GRIK3: variants seen among roughly 807,000 people sequenced by gnomAD.
GRIK3 encodes glutamate ionotropic receptor kainate type subunit 3, also known as glutamate receptor ionotropic, kainate 3.
In GRIK3, 29 loss-of-function variants were observed where a neutral mutation model predicts 102.5. The ratio of observed to expected loss-of-function variants is 0.28; its 90% confidence interval spans 0.21 to 0.39. The LOEUF (loss-of-function observed/expected upper bound fraction) is 0.39. GRIK3 is among the 10% of genes least tolerant of loss of function. The probability of loss-of-function intolerance (pLI) is 1.00; values close to 1 mark genes in which losing one functional copy is unlikely to be tolerated. For missense variants in GRIK3, 908 were observed against 1,252.4 expected (o/e 0.73, Z 4.15); for synonymous variants, 511 against 504.9 (o/e 1.01, Z -0.16).
intron 13 of GRIK3, among the ~76,000 whole-genome samples, chr1:36,814,509 A>ACCC (rs376040990): frequency 1.4e-4 from 12 of 84,160 alleles, no homozygotes; most frequent in African/African-American, 4.9e-4. Flanking sequence ...ACATACATAG[A>ACCC]CCCCCCCCCC....
chr1:36,862,120 C>T (rs989040832), intron 5 of GRIK3, among the ~76,000 whole-genome samples: 5 of 152,140 alleles, frequency 3.3e-5, no homozygotes, highest in African/African-American at 9.7e-5. Context: ...TGAATTTGTA[C>T]CCAGGTCTAT....
chr1:37,031,795 G>A lies in GRIK3; in HGVS notation c.115+2199C>T, dbSNP rs138601328. On this transcript the variant is annotated intron_variant, in intron 1 of 15. Transcript: ENST00000373091. ...GCATGAGATTCTCTCTCTCTCGCTC[G>A]CTCGCTCTTTCTGTCCATGTCCACT... Among the ~76,000 whole-genome samples the A allele has an allele frequency of 3.7e-3, 560 of 152,330 alleles. 1 individual carries two copies. Among genetic ancestry groups the A allele is most frequent in the African/African-American group, 0.012 (491 of 41,574 alleles).
intron 1 of GRIK3, among the ~76,000 whole-genome samples, chr1:36,930,675 G>A (rs546524766): frequency 3.3e-5 from 5 of 152,350 alleles, no homozygotes; most frequent in African/African-American, 1.2e-4. Context: ...GCCAAGGTAG[G>A]TGGACACCAG....
intron 1 of GRIK3, among the ~76,000 whole-genome samples, chr1:37,030,713 C>T (rs955575843): frequency 1.3e-5 from 2 of 152,046 alleles, no homozygotes; most frequent in Non-Finnish European, 2.9e-5. Context: ...TTTTCAAATT[C>T]CAGGCTGGCC....
intron 2 of GRIK3, among the ~76,000 whole-genome samples, chr1:36,888,573 G>C (rs1388495527): frequency 6.6e-6 from 1 of 152,100 alleles, no homozygotes; most frequent in Non-Finnish European, 1.5e-5. Context: ...TATGGCACCT[G>C]TTGCTTCATC....
chr1:36,928,840 T>C (rs1308728033), intron 1 of GRIK3, among the ~76,000 whole-genome samples: 1 of 152,186 alleles, frequency 6.6e-6, no homozygotes, highest in Non-Finnish European at 1.5e-5. Context: ...GATCAGGATG[T>C]TCTCAAGGAA....
intron 11 of GRIK3, among the ~76,000 whole-genome samples, chr1:36,822,963 G>C (rs12132499): frequency 0.054 from 8,183 of 152,194 alleles, 323 homozygotes; most frequent in South Asian, 0.091. Context: ...GGCCAAACAG[G>C]TCAGGCCAGG....
chr1:36,868,081 G>A (rs754493501), intron 5 of GRIK3, among the ~76,000 whole-genome samples: 2 of 152,124 alleles, frequency 1.3e-5, no homozygotes, highest in African/African-American at 4.8e-5. Context: ...TAGTGTCCCC[G>A]GGTCCAGGAG....
intron 1 of GRIK3, among the ~76,000 whole-genome samples, chr1:36,915,796 G>A (rs906092588): frequency 6.6e-6 from 1 of 152,176 alleles, no homozygotes; most frequent in Non-Finnish European, 1.5e-5. Flanking sequence ...GGAACTGTAA[G>A]TGCATTAAAC....
In GRIK3 at chr1:37,001,982, G is replaced by T. The variant is rs546720460; in HGVS notation, c.115+32012C>A. Among the ~76,000 whole-genome samples, 51 of 152,278 alleles carry T rather than the reference G, an allele frequency of 3.3e-4. 1 individual carries two copies. The South Asian group carries it at 0.01, about 30-fold the overall frequency. ...GATACACTAAGTCCATCTGTCATTG[G>T]ATGAGGCACCAACTCTGCCCCTTCC... On this transcript the variant is annotated intron_variant, in intron 1 of 15. Transcript: ENST00000373091.
chr1:36,916,043 C>T (rs1570797261), intron 1 of GRIK3, among the ~76,000 whole-genome samples: 1 of 152,082 alleles, frequency 6.6e-6, no homozygotes, highest in African/African-American at 2.4e-5. Context: ...TGGCTTCAAC[C>T]AAAATGCTGA....
At chr1:36,916,552 C>T (rs889245698) in intron 1 of GRIK3, among the ~76,000 whole-genome samples, 8 of 152,144 alleles carry the variant, frequency 5.3e-5, no homozygotes, top group African/African-American at 1.9e-4. Flanking sequence ...CTCAGGGTTC[C>T]AGTGCTGCAT....
intron 1 of GRIK3, among the ~76,000 whole-genome samples, chr1:36,975,315 G>A (rs1395161078): frequency 1.1e-5 from 1 of 90,088 alleles, no homozygotes; most frequent in Non-Finnish European, 2.2e-5. Context: ...TTTTGAGAGG[G>A]AGTCTTGCTC....
intron 5 of GRIK3, among the ~76,000 whole-genome samples, chr1:36,868,789 A>G (rs2124250118): frequency 6.6e-6 from 1 of 152,338 alleles, no homozygotes; most frequent in Non-Finnish European, 1.5e-5. Context: ...TAGTTCAAGT[A>G]TCTGGTTTTC....
rs77835993 is a variant in GRIK3, at chr1:36,995,568, C to G, written c.115+38426G>C. 9.7e-3 allele frequency among the ~76,000 whole-genome samples: 1,477 copies of G among 152,296 alleles called. 24 individuals are homozygous for G. Among genetic ancestry groups the G allele is most frequent in the African/African-American group, 0.033 (1,370 of 41,546 alleles). On this transcript the variant is annotated intron_variant, in intron 1 of 15. Transcript: ENST00000373091. The stretch of plus-strand genomic sequence containing the variant: ...CAGGAATCACATCACTTCTCACAAG[C>G]CTTCATCATCAACCATCACTCCTTT...
intron 1 of GRIK3, among the ~76,000 whole-genome samples, chr1:36,991,147 T>A (rs1642358982): frequency 6.6e-6 from 1 of 152,212 alleles, no homozygotes; most frequent in Admixed American, 6.5e-5. Flanking sequence ...TCTGAGCCTG[T>A]CTTCTCATCT....
chr1:37,017,119 G>T (rs564291843), intron 1 of GRIK3, among the ~76,000 whole-genome samples: 1 of 151,940 alleles, frequency 6.6e-6, no homozygotes, highest in Non-Finnish European at 1.5e-5. Flanking sequence ...GGACAGCTGA[G>T]GGGGGAGGAT....
chr1:36,930,424 C>T (rs1305337164), intron 1 of GRIK3, among the ~76,000 whole-genome samples: 1 of 152,196 alleles, frequency 6.6e-6, no homozygotes, highest in African/African-American at 2.4e-5. Flanking sequence ...CTTGTGGAAT[C>T]ATAAATCCTA....
chr1:37,022,089 C>G (rs1007384497), intron 1 of GRIK3, among the ~76,000 whole-genome samples: 1 of 152,222 alleles, frequency 6.6e-6, no homozygotes, highest in Non-Finnish European at 1.5e-5. Flanking sequence ...AAATGGCCTC[C>G]GTTGACTGTC....
Sources: allele counts gnomAD v4.1 joint callset (sites outside exome capture counted in the v4.1 genomes callset), GRCh38; gene constraint gnomAD v4.1.1; transcripts MANE v1.5; gene names NCBI Gene and HGNC (gene_info 2026-07-23, HGNC 2026-07-21).